The following HIPK3 variants were observed in gnomAD, a reference collection of about 807,000 sequenced individuals.
HIPK3 encodes homeodomain-interacting protein kinase 3.
Under a neutral mutation model 124.2 loss-of-function variants are expected in HIPK3, and 47 were observed. That is an observed-to-expected ratio of 0.38 (90% CI 0.30 to 0.48). The LOEUF is 0.48. HIPK3 is among the 20% of genes least tolerant of loss of function. The pLI, the probability that HIPK3 is intolerant of heterozygous loss-of-function variation, is 0.98. For missense variants in HIPK3, 1,286 were observed against 1,454.3 expected (o/e 0.88, Z 1.88); for synonymous variants, 482 against 515.2 (o/e 0.94, Z 0.87).
Position 33,353,384 on chromosome 11 carries a change from C to A in HIPK3, c.3464C>A (p.Ser1155Tyr). Reference protein sequence around the residue: ...PMLQHPTYNISHPSGIVHQVP... With the variant: ...PMLQHPTYNIYHPSGIVHQVP... ...TTACAGCATCCAACTTATAATATCT[C>A]CCATCCCAGTGGCATAGTTCACCAA... is the stretch of plus-strand genomic sequence containing the variant. The change falls in exon 17 of 17, where the codon TCC becomes TAC. Residue 1155 changes from serine to tyrosine, a missense_variant. Transcript: ENST00000303296. 1 of 1,614,138 alleles carries A rather than the reference C, an allele frequency of 6.2e-7. No homozygotes were observed. The highest frequency in any genetic ancestry group is 8.5e-7 in the Non-Finnish European group (1 of 1,180,002).
Position 33,347,392 on chromosome 11 carries a change from T to G in HIPK3, c.1997T>G (p.Ile666Ser). The part of the protein sequence containing the change: ...TQAPAVQPLQ[I>S]RPGVLSQTWS... ...GCCCCAGCTGTGCAGCCACTACAGA[T>G]CCGACCAGGAGTTCTTTCTCAGGTT... Residue 666 changes from isoleucine (I) to serine (S), a missense_variant, in exon 9 of 17, where the codon ATC becomes AGC. By Grantham distance (142) the Ile-to-Ser change is moderately radical. Transcript: ENST00000303296. 9 of 1,614,096 alleles carry G rather than the reference T, an allele frequency of 5.6e-6. No homozygotes were observed. The highest frequency in any genetic ancestry group is 7.6e-6 in the Non-Finnish European group (9 of 1,179,990).
chr11:33,265,318 T>G (rs1235634812), intron 1 of HIPK3, among the ~76,000 whole-genome samples: 1 of 152,226 alleles, frequency 6.6e-6, no homozygotes, highest in Admixed American at 6.5e-5. Flanking sequence ...TAGTTTTGTA[T>G]TTTAAAGTTA....
Position 33,341,599 on chromosome 11 carries a change from G to C in HIPK3, c.1810G>C (p.Gly604Arg). The stretch of plus-strand genomic sequence containing the variant: ...ATCTGCTCATTCAGTTGTGCACCAT[G>C]GAATACCTCTGCAGGCAGGAACTGC... ...TTSAHSVVHH[G>R]IPLQAGTAQF... Residue 604 changes from glycine to arginine, a missense_variant, in exon 8 of 17, where the codon GGA becomes CGA. Transcript: ENST00000303296. 1 of 1,613,710 alleles carries C rather than the reference G, an allele frequency of 6.2e-7. No homozygotes were observed. Among genetic ancestry groups the C allele is most frequent in the South Asian group, 1.1e-5 (1 of 90,944 alleles).
At chr11:33,299,472 C>CA (rs946621693) in intron 2 of HIPK3, among the ~76,000 whole-genome samples, 86 of 142,564 alleles carry the variant, frequency 6.0e-4, no homozygotes, top group Middle Eastern at 3.5e-3. Flanking sequence ...GACTCTGTCT[C>CA]AAAAAAAAAA....
At chr11:33,327,826 C>A (rs964044955) in intron 2 of HIPK3, among the ~76,000 whole-genome samples, 1 of 152,164 alleles carries the variant, frequency 6.6e-6, no homozygotes, top group Non-Finnish European at 1.5e-5. Context: ...GAACATGAAT[C>A]TTCTCAAGGG....
At chr11:33,280,754 A>G (rs189222562) in intron 1 of HIPK3, among the ~76,000 whole-genome samples, 17 of 152,288 alleles carry the variant, frequency 1.1e-4, no homozygotes, top group Admixed American at 9.8e-4. Flanking sequence ...AGTTTTAAAA[A>G]TTTCTCTATG....
intron 8 of HIPK3, among the ~76,000 whole-genome samples, chr11:33,342,343 A>G (rs1193463051): frequency 6.6e-6 from 1 of 152,148 alleles, no homozygotes; most frequent in Admixed American, 6.5e-5. Context: ...TACTAAACAT[A>G]AAAGTGACTG....
intron 2 of HIPK3, among the ~76,000 whole-genome samples, chr11:33,300,316 C>T (rs865774984): frequency 6.6e-6 from 1 of 151,730 alleles, no homozygotes; most frequent in South Asian, 2.1e-4. Context: ...CCAGTGCACT[C>T]CAGCCTGGGT....
intron 1 of HIPK3, among the ~76,000 whole-genome samples, chr11:33,268,314 G>T (rs1480935820): frequency 6.6e-6 from 1 of 152,028 alleles, no homozygotes; most frequent in East Asian, 1.9e-4. Context: ...TGAATTCTGG[G>T]CCGGGTGTAG....
At chr11:33,272,137 C>G (rs1851141163) in intron 1 of HIPK3, among the ~76,000 whole-genome samples, 1 of 152,150 alleles carries the variant, frequency 6.6e-6, no homozygotes, top group Non-Finnish European at 1.5e-5. Flanking sequence ...GTGGCTCACG[C>G]CTGTAATCCC....
intron 2 of HIPK3, among the ~76,000 whole-genome samples, chr11:33,319,784 G>A (rs1257400872): frequency 6.6e-6 from 1 of 152,138 alleles, no homozygotes; most frequent in African/African-American, 2.4e-5. Flanking sequence ...TAAAGTTCTT[G>A]CCCCCATGGA....
At chr11:33,323,695 A>G (rs995758100) in intron 2 of HIPK3, among the ~76,000 whole-genome samples, 3 of 152,238 alleles carry the variant, frequency 2.0e-5, no homozygotes, top group Non-Finnish European at 4.4e-5. Flanking sequence ...CCACTTTAAC[A>G]TAAGTTTTAT....
At chr11:33,326,620 T>C (rs1852819191) in intron 2 of HIPK3, among the ~76,000 whole-genome samples, 1 of 151,958 alleles carries the variant, frequency 6.6e-6, no homozygotes, top group Non-Finnish European at 1.5e-5. Flanking sequence ...TCAGAGATTA[T>C]TGTCAGAAGA....
chr11:33,285,027 T>C (rs1202821156), intron 1 of HIPK3, among the ~76,000 whole-genome samples: 1 of 152,226 alleles, frequency 6.6e-6, no homozygotes, highest in East Asian at 1.9e-4. Flanking sequence ...TAAATTCTAA[T>C]TTGGTAAAAT....
chr11:33,327,012 A>T (rs1234307549), intron 2 of HIPK3, among the ~76,000 whole-genome samples: 4 of 152,174 alleles, frequency 2.6e-5, no homozygotes, highest in African/African-American at 9.7e-5. Flanking sequence ...ATAAGTAATT[A>T]TAGTCATGGA....
chr11:33,258,557 C>T (rs1850736320), intron 1 of HIPK3: 3 of 985,470 alleles, frequency 3.0e-6, no homozygotes, highest in Non-Finnish European at 3.6e-6. Context: ...GGCCGCGCGG[C>T]GGGGCTGTTG....
intron 2 of HIPK3, among the ~76,000 whole-genome samples, chr11:33,310,775 T>C (rs1238152252): frequency 2.6e-5 from 4 of 152,230 alleles, no homozygotes. Context: ...GACAGCGGTA[T>C]GCTAGTGAGT....
chr11:33,350,092 A>G (rs1271942508), intron 14 of HIPK3, among the ~76,000 whole-genome samples: 3 of 152,222 alleles, frequency 2.0e-5, no homozygotes, highest in Admixed American at 6.5e-5. Context: ...AAGGATAAAA[A>G]AGCCACATTC....
chr11:33,257,484 C>T lies in HIPK3; in HGVS notation c.-408C>T. The T allele has an allele frequency of 1.0e-6, 1 of 985,800 alleles. No individual in the cohort carries two copies. The highest frequency in any genetic ancestry group is 1.2e-6 in the Non-Finnish European group (1 of 830,304). The allele number at this position is 985,800 out of a possible 1,614,324, so 61.1% of individuals were successfully genotyped here. ...CACTCCCGCCAGTCTTCCTTCTCCGCTCCCGGCCGGGGCGTCAGGAATGGG... is the reference window on the plus strand; with the variant it reads ...CACTCCCGCCAGTCTTCCTTCTCCGTTCCCGGCCGGGGCGTCAGGAATGGG... On this transcript the variant is annotated 5_prime_UTR_variant, in exon 1 of 17. Transcript: ENST00000303296.
Sources: gnomAD v4.1 joint callset for allele counts (sites outside exome capture counted in the v4.1 genomes callset) on GRCh38, gnomAD v4.1.1 for gene constraint, MANE v1.5 for transcripts, NCBI Gene and HGNC (gene_info 2026-07-23, HGNC 2026-07-21) for gene names.